The following KMT2C variants were observed in gnomAD, a reference collection of about 807,000 sequenced individuals.
KMT2C encodes the protein histone-lysine N-methyltransferase 2C.
Under a neutral mutation model 507.9 loss-of-function variants are expected in KMT2C, and 88 were observed. The observed-to-expected ratio is 0.17, with a 90% CI of 0.15 to 0.21. KMT2C has a LOEUF of 0.21. Among genes scored for constraint, KMT2C ranks in the 10% least tolerant of loss-of-function variants. KMT2C has a pLI of 1.00. For missense variants in KMT2C, 4,954 were observed against 5,957.8 expected, an observed-to-expected ratio of 0.83 and a Z score of 5.55; for synonymous variants, 2,049 against 2,080.8, an observed-to-expected ratio of 0.98 and a Z score of 0.42.
intron 1 of KMT2C, among the ~76,000 whole-genome samples, chr7:152,376,463 T>C (rs2097329352): frequency 6.6e-6 from 1 of 152,248 alleles, no homozygotes; most frequent in Non-Finnish European, 1.5e-5. Context: ...TGAAAAATTC[T>C]TGAATAAAAT....
intron 39 of KMT2C, among the ~76,000 whole-genome samples, chr7:152,173,780 T>A (rs1167857887): frequency 1.3e-5 from 2 of 152,204 alleles, no homozygotes; most frequent in Non-Finnish European, 2.9e-5. Flanking sequence ...ACTCAGTGTC[T>A]TAACTGAAAA....
chr7:152,293,583 C>G (rs2096457603), intron 6 of KMT2C, among the ~76,000 whole-genome samples: 1 of 152,100 alleles, frequency 6.6e-6, no homozygotes, highest in Non-Finnish European at 1.5e-5. Context: ...TTCTCCACCC[C>G]TCCCCTAAAC....
At chr7:152,420,878 C>G (rs1446863501) in intron 1 of KMT2C, among the ~76,000 whole-genome samples, 1 of 151,174 alleles carries the variant, frequency 6.6e-6, no homozygotes, top group East Asian at 1.9e-4. Flanking sequence ...GAACTTAAAT[C>G]AACAAGCAAA....
At chr7:152,373,824 ACT>A (rs1384690169) in intron 1 of KMT2C, among the ~76,000 whole-genome samples, 1 of 152,116 alleles carries the variant, frequency 6.6e-6, no homozygotes, top group East Asian at 1.9e-4. Flanking sequence ...GTAATATAAA[ACT>A]CTACTTATGA....
chr7:152,303,706 G>A (rs1563790495), intron 6 of KMT2C, among the ~76,000 whole-genome samples: 1 of 152,214 alleles, frequency 6.6e-6, no homozygotes, highest in Non-Finnish European at 1.5e-5. Context: ...AGATATGCAT[G>A]GCTGTGCATG....
chr7:152,175,924 T>A (rs59934980), intron 38 of KMT2C, among the ~76,000 whole-genome samples: 10,795 of 152,142 alleles, frequency 0.071, 542 homozygotes, highest in East Asian at 0.25. Context: ...GTGTCTGTAG[T>A]CCCAGCTACT....
At position 152,139,083 on chromosome 7, in the gene KMT2C, C is replaced by T. The variant is rs1378296211; in HGVS notation, c.14534+103G>A. Reference sequence around the variant, plus strand: ...TCATTTGCTCTGAATGTTTAGTCACCGCCAGGCTGCCGTGAGAGCCTTTCC... The same window carrying T: ...TCATTTGCTCTGAATGTTTAGTCACTGCCAGGCTGCCGTGAGAGCCTTTCC... On this transcript the variant is annotated intron_variant, in intron 57 of 58. Coordinates refer to ENST00000262189, the MANE Select transcript of KMT2C (RefSeq NM_170606.3). The T allele has an allele frequency of 6.8e-6, 8 of 1,171,832 alleles. No individual in the cohort carries two copies. In the Admixed American group the frequency reaches 7.1e-5, roughly 10 times the overall value. 72.6% of individuals were successfully genotyped at this position (1,171,832 alleles called of 1,614,324 possible).
chr7:152,371,321 C>A (rs967784568), intron 1 of KMT2C, among the ~76,000 whole-genome samples: 1 of 152,004 alleles, frequency 6.6e-6, no homozygotes, highest in Non-Finnish European at 1.5e-5. Flanking sequence ...TTAAAATAGA[C>A]TATTAACACT....
At chr7:152,233,479 C>T (rs2095184966) in intron 16 of KMT2C, among the ~76,000 whole-genome samples, 1 of 151,470 alleles carries the variant, frequency 6.6e-6, no homozygotes, top group Non-Finnish European at 1.5e-5. Context: ...AAATTAAACT[C>T]AAAGTGAGAA....
chr7:152,360,631 C>T (rs1007566479), intron 1 of KMT2C, among the ~76,000 whole-genome samples: 4 of 151,808 alleles, frequency 2.6e-5, no homozygotes, highest in South Asian at 2.1e-4. Flanking sequence ...GTAGGGAGTT[C>T]GAGACCAGCC....
At position 152,297,055 on chromosome 7, in the gene KMT2C, CAGAG is replaced by C. The variant is rs769381866; in HGVS notation, c.849+12907_849+12910del. 9.1e-3 allele frequency among the ~76,000 whole-genome samples: 770 copies of C among 84,286 alleles called. 9 individuals carry two copies. Among genetic ancestry groups the C allele is most frequent in the Admixed American group, 0.02 (162 of 7,950 alleles). 55.3% of individuals were successfully genotyped at this position (84,286 alleles called of 152,430 possible). A position where few individuals can be genotyped will look rare whatever the true frequency, so the allele number is the denominator to read the frequency against. On this transcript the variant is annotated intron_variant, in intron 6 of 58. Coordinates refer to ENST00000262189, the MANE Select transcript of KMT2C (RefSeq NM_170606.3). The stretch of plus-strand genomic sequence containing the variant: ...AAAGAAAGAAAGAAAGAAAGAAAGA[CAGAG>C]AGAGAGAGAGAGAGAGAGAGAGAGA...
rs1318261257 is a variant in KMT2C at position 152,265,332 on chromosome 7, T to C, written c.1013-123A>G. The C allele has an allele frequency of 4.7e-4, 686 of 1,455,686 alleles. 1 individual carries two copies. Among genetic ancestry groups the C allele is most frequent in the Admixed American group, 5.4e-4 (27 of 49,796 alleles). The allele number at this position is 1,455,686 out of a possible 1,614,324, so 90.2% of individuals were successfully genotyped here. A position where few individuals can be genotyped will look rare whatever the true frequency, so the allele number is the denominator to read the frequency against. On this transcript the variant is annotated intron_variant, in intron 7 of 58. Transcript: ENST00000262189. The stretch of plus-strand genomic sequence containing the variant: ...TTTCAGACATTTGAAGTTATTCACA[T>C]TGAATTGTCATCTAATCAGAAAGAG...
rs377069065 is a variant in KMT2C at position 152,281,149 on chromosome 7, T to C, written c.850-7282A>G. On this transcript the variant is annotated intron_variant, in intron 6 of 58. Coordinates refer to ENST00000262189, the MANE Select transcript of KMT2C (RefSeq NM_170606.3). ...AAAAACATGAATAAATCTGACTACA[T>C]AGAAATGTAAAAACTTCTATGTGGT... Among the ~76,000 whole-genome samples the C allele has an allele frequency of 2.5e-4, 38 of 151,966 alleles. 1 individual carries two copies. Among genetic ancestry groups the C allele is most frequent in the East Asian group, 1.5e-3 (8 of 5,176 alleles).
At chr7:152,272,282 T>C (rs111532744) in intron 7 of KMT2C, among the ~76,000 whole-genome samples, 19 of 152,326 alleles carry the variant, frequency 1.2e-4, no homozygotes, top group African/African-American at 4.6e-4. Context: ...TATACACTGT[T>C]AGAACACAGT....
At chr7:152,288,408 C>G (rs1332184887) in intron 6 of KMT2C, among the ~76,000 whole-genome samples, 2 of 151,894 alleles carry the variant, frequency 1.3e-5, no homozygotes, top group Admixed American at 1.3e-4. Context: ...GTGGCACACA[C>G]CTATAATTCC....
At chr7:152,247,735 T>C (rs2095497588) in intron 14 of KMT2C, among the ~76,000 whole-genome samples, 167 bp downstream of exon 14, 4 of 152,284 alleles carry the variant, frequency 2.6e-5, no homozygotes. Flanking sequence ...GCATTCTTCA[T>C]TAACAGCATT....
intron 15 of KMT2C, among the ~76,000 whole-genome samples, chr7:152,236,699 C>T (rs1269147640): frequency 4.6e-5 from 7 of 152,122 alleles, no homozygotes; most frequent in African/African-American, 1.4e-4. Context: ...ATTGTTATTA[C>T]TTTTATTTTT....
intron 1 of KMT2C, among the ~76,000 whole-genome samples, chr7:152,376,567 T>C (rs1252262797): frequency 6.6e-6 from 1 of 152,222 alleles, no homozygotes; most frequent in Non-Finnish European, 1.5e-5. Flanking sequence ...AGCCATAACA[T>C]TCCCTTAAGC....
chr7:152,217,075 C>T (rs917733687), intron 23 of KMT2C, among the ~76,000 whole-genome samples: 2 of 152,176 alleles, frequency 1.3e-5, no homozygotes, highest in African/African-American at 4.8e-5. Flanking sequence ...TCATTGCCCA[C>T]TACTTTATAA....
Sources: allele counts gnomAD v4.1 joint callset (sites outside exome capture counted in the v4.1 genomes callset), GRCh38; gene constraint gnomAD v4.1.1; transcripts MANE v1.5; gene names NCBI Gene and HGNC (gene_info 2026-07-23, HGNC 2026-07-21).